The following GGCT variants were observed in gnomAD, a reference collection of about 807,000 sequenced individuals.
The protein encoded by GGCT is cytochrome c-releasing factor 21.
In GGCT, 20 loss-of-function variants were observed where a neutral mutation model predicts 22.1. The observed-to-expected ratio is 0.91, with a 90% CI of 0.64 to 1.32. The LOEUF (loss-of-function observed/expected upper bound fraction) is 1.32. Ranked by LOEUF, GGCT falls within the 40% of genes most tolerant of loss-of-function variation. The pLI is 0.00. For synonymous variants in GGCT, 72 were observed against 78.4 expected (o/e 0.92, Z 0.43); for missense variants, 209 against 223.5 (o/e 0.94, Z 0.41).
intron 3 of GGCT, among the ~76,000 whole-genome samples, chr7:30,498,275 T>C (rs1250992291): frequency 1.3e-5 from 2 of 151,828 alleles, no homozygotes; most frequent in Non-Finnish European, 2.9e-5. Flanking sequence ...ATTTTTTTAA[T>C]AAATAGTTTT....
chr7:30,504,511 G>A, intron 1 of GGCT, 58 bp downstream of exon 1: 1 of 1,598,432 alleles, frequency 6.3e-7, no homozygotes, highest in Non-Finnish European at 8.5e-7. Flanking sequence ...GTGCCCCCGA[G>A]GAAGCGCCTT....
chr7:30,500,436 A>G (rs1789672454), intron 2 of GGCT, 100 bp downstream of exon 2: 1 of 854,388 alleles, frequency 1.2e-6, no homozygotes, highest in Non-Finnish European at 1.9e-6. Flanking sequence ...ATATGTCTGT[A>G]GTATGTGGTT....
chr7:30,504,776 G>A lies in GGCT; in HGVS notation c.-67C>T, dbSNP rs1009060209. 2.0e-6 allele frequency: 3 copies of A among 1,510,964 alleles called. No homozygotes were observed. In the African/African-American group the frequency reaches 4.1e-5, roughly 21 times the overall value. 93.6% of individuals were successfully genotyped at this position (1,510,964 alleles called of 1,614,324 possible). A position where few individuals can be genotyped will look rare whatever the true frequency, so the allele number is the denominator to read the frequency against. On this transcript the variant is annotated 5_prime_UTR_variant, in exon 1 of 4. Transcript: ENST00000275428. ...AGGAACGGCCAGAGAGCGCAACACT[G>A]GGGCCCACTACCCCGGCGCAGTGAC...
Position 30,497,158 on chromosome 7 carries a change from G to A in GGCT, c.501C>T (p.Asp167=). ...QEKLKAIEPN[D]YTGKVSEEIE... is the part of the protein sequence containing the mutation. The stretch of plus-strand genomic sequence containing the variant: ...TTTCTTCTGAGACCTTTCCTGTATA[G>A]TCATTTGGTTCTATTGCTTTTAACT... Residue 167 remains aspartate (D), a synonymous_variant, in exon 4 of 4, where the codon GAC becomes GAT. Transcript: ENST00000275428. 3.1e-6 allele frequency: 5 copies of A among 1,608,432 alleles called. No homozygotes were observed. The South Asian group carries it at 3.3e-5, about 11-fold the overall frequency.
In GGCT at chr7:30,497,169, C is replaced by G. The variant is rs1352739195; in HGVS notation, c.490G>C (p.Glu164Gln). 3.7e-6 allele frequency: 6 copies of G among 1,610,206 alleles called. No homozygotes were observed. In the African/African-American group the frequency reaches 8.0e-5, roughly 22 times the overall value. The change falls in exon 4 of 4, where the codon GAA becomes CAA. Residue 164 changes from glutamate to glutamine, a missense_variant. Transcript: ENST00000275428. ...LEYQEKLKAIEPNDYTGKVSE... is the reference protein window; with the variant it reads ...LEYQEKLKAIQPNDYTGKVSE... The stretch of plus-strand genomic sequence containing the variant: ...ACCTTTCCTGTATAGTCATTTGGTT[C>G]TATTGCTTTTAACTTCTCTTGATAC...
Position 30,500,520 on chromosome 7 carries a change from A to G in GGCT, c.287+16T>C. On this transcript the variant is annotated intron_variant, in intron 2 of 3. Transcript: ENST00000275428. ...TGAATTAATTACTGTTTAACTTATA[A>G]TTAGAAGCCACCTACTCATCCAGAG... is the stretch of plus-strand genomic sequence containing the variant. 6.2e-7 allele frequency: 1 copy of G among 1,601,876 alleles called. No homozygotes were observed. Among genetic ancestry groups the G allele is most frequent in the Non-Finnish European group, 8.5e-7 (1 of 1,169,762 alleles).
intron 2 of GGCT, among the ~76,000 whole-genome samples, chr7:30,499,530 C>T (rs1789645436): frequency 7.2e-6 from 1 of 139,674 alleles, no homozygotes; most frequent in African/African-American, 2.8e-5. Flanking sequence ...ATGGAGAAAC[C>T]TTGTCTCTAC....
At chr7:30,501,178 A>T (rs1469586000) in intron 1 of GGCT, among the ~76,000 whole-genome samples, 1 of 152,218 alleles carries the variant, frequency 6.6e-6, no homozygotes, top group African/African-American at 2.4e-5. Context: ...TTGTGTACTT[A>T]TGAACACTAA....
At chr7:30,503,698 C>G (rs1051630865) in intron 1 of GGCT, among the ~76,000 whole-genome samples, 2 of 151,628 alleles carry the variant, frequency 1.3e-5, no homozygotes, top group African/African-American at 4.9e-5. Flanking sequence ...CTGTGCCTCC[C>G]TTTATGCTTG....
chr7:30,500,835 TAAAC>T (rs773638401), intron 1 of GGCT, among the ~76,000 whole-genome samples, 154 bp from the exon 2 acceptor site: 1 of 152,126 alleles, frequency 6.6e-6, no homozygotes, highest in South Asian at 2.1e-4. Context: ...AATATAAAGT[TAAAC>T]AGACAGGACC....
chr7:30,504,647 G>C lies in GGCT; in HGVS notation c.63C>G (p.Ala21=), dbSNP rs375997028. The change falls in exon 1 of 4, where the codon GCC becomes GCG. Residue 21 remains alanine (A), a synonymous_variant. Transcript: ENST00000275428. ...GPDEESFLYF[A]YGSNLLTERI... is the part of the protein sequence containing the mutation. ...TCTCTGTCAGCAGGTTGCTGCCGTA[G>C]GCAAAGTACAGAAAACTCTCCTCAT... 49 of 1,614,028 alleles carry C rather than the reference G, an allele frequency of 3.0e-5. No homozygotes were observed. Among genetic ancestry groups the C allele is most frequent in the Non-Finnish European group, 2.5e-6 (3 of 1,179,978 alleles).
chr7:30,502,573 A>G (rs1789729392), intron 1 of GGCT, among the ~76,000 whole-genome samples: 1 of 152,238 alleles, frequency 6.6e-6, no homozygotes, highest in Admixed American at 6.5e-5. Flanking sequence ...CAAGCATTTC[A>G]AATTCAAAAT....
intron 1 of GGCT, 71 bp downstream of exon 1, chr7:30,504,498 C>G (rs1789781551): frequency 6.4e-7 from 1 of 1,560,140 alleles, no homozygotes; most frequent in African/African-American, 1.3e-5. Context: ...CGATCGGCCA[C>G]GTGTGCCCCC....
In GGCT at chr7:30,500,588, CT is replaced by C. The variant is rs1562742224; in HGVS notation, c.234del (p.Val79CysfsTer4). The C allele has an allele frequency of 6.2e-7, 1 of 1,613,854 alleles. No homozygotes were observed. Among genetic ancestry groups the C allele is most frequent in the Non-Finnish European group, 8.5e-7 (1 of 1,179,722 alleles). ...TTCATTTTCCATACTACTCCCCACA[CT>C]TCATCGCCAGGACTCTGAAAAATGG... is the stretch of plus-strand genomic sequence containing the variant. ...IATIFQSPGDEVWGVVWKMNK... is the reference protein window; with the variant it reads ...IATIFQSPGDXVWGVVWKMNK... On this transcript the variant is annotated frameshift_variant, in exon 2 of 4. Coordinates refer to ENST00000275428, the MANE Select transcript of GGCT (RefSeq NM_024051.4). LOFTEE classifies it high-confidence loss of function.
intron 1 of GGCT, 142 bp downstream of exon 1, chr7:30,504,427 C>T (rs1044933275): frequency 5.3e-5 from 51 of 960,090 alleles, no homozygotes; most frequent in Non-Finnish European, 7.8e-5. Flanking sequence ...GGAGGTGGAC[C>T]CGCCCAGGAG....
rs138511184 is a variant in GGCT, at chr7:30,498,032, C to A, written c.423+771G>T. ...ATATATATATATATATAGATACACA[C>A]ACACATATACATATATATACATATA... On this transcript the variant is annotated intron_variant, in intron 3 of 3. Coordinates refer to ENST00000275428, the MANE Select transcript of GGCT (RefSeq NM_024051.4). 2.3e-3 allele frequency: 336 copies of A among 147,708 alleles called. 13 individuals carry two copies. The highest frequency in any genetic ancestry group is 4.0e-3 in the Non-Finnish European group (261 of 65,900). The allele number at this position is 147,708 out of a possible 1,614,324, so 9.1% of individuals were successfully genotyped here. A position where few individuals can be genotyped will look rare whatever the true frequency, so the allele number is the denominator to read the frequency against.
intron 1 of GGCT, among the ~76,000 whole-genome samples, chr7:30,502,225 T>C (rs10226985): frequency 0.075 from 11,351 of 152,308 alleles, 521 homozygotes; most frequent in African/African-American, 0.12. Context: ...ACAAAAATTA[T>C]GCATGGGCCT....
chr7:30,503,437 G>A (rs890292398), intron 1 of GGCT, among the ~76,000 whole-genome samples: 1 of 152,146 alleles, frequency 6.6e-6, no homozygotes, highest in African/African-American at 2.4e-5. Context: ...CACGGCATGG[G>A]TACGTGGCCA....
chr7:30,500,565 C>T lies in GGCT; in HGVS notation c.258G>A (p.Met86Ile), dbSNP rs1189795915. The part of the protein sequence containing the change: ...GDEVWGVVWK[M>I]NKSNLNSLDE... ...CCAGAGAATTTAAATTGCTTTTGTT[C>T]ATTTTCCATACTACTCCCCACACTT... The change falls in exon 2 of 4, where the codon ATG (methionine) becomes ATA (isoleucine). Residue 86 changes from methionine (M) to isoleucine (I), a missense_variant. By Grantham distance (10) the Met-to-Ile change is conservative. Transcript: ENST00000275428. The T allele has an allele frequency of 6.2e-7, 1 of 1,613,568 alleles. No individual in the cohort carries two copies. The highest frequency in any genetic ancestry group is 1.3e-5 in the African/African-American group (1 of 75,038).
Sources: gnomAD v4.1 joint callset for allele counts (sites outside exome capture counted in the v4.1 genomes callset) on GRCh38, gnomAD v4.1.1 for gene constraint, MANE v1.5 for transcripts, NCBI Gene and HGNC (gene_info 2026-07-23, HGNC 2026-07-21) for gene names.